Variants in SHISA9 observed in about 807,000 individuals in gnomAD.
The protein encoded by SHISA9 is shisa family member 9, also known as protein shisa-9.
In SHISA9, 13 loss-of-function variants were observed where a neutral mutation model predicts 38.0. That is an observed-to-expected ratio of 0.34 (90% CI 0.22 to 0.54). The LOEUF (loss-of-function observed/expected upper bound fraction) is 0.54. SHISA9 is among the 20% of genes least tolerant of loss of function. The pLI is 0.91. For missense variants in SHISA9, 538 were observed against 575.8 expected, an observed-to-expected ratio of 0.93 and a Z score of 0.67; for synonymous variants, 275 against 242.0, an observed-to-expected ratio of 1.14 and a Z score of -1.27.
At chr16:13,068,900 G>A (rs2073467940) in intron 2 of SHISA9, among the ~76,000 whole-genome samples, 1 of 152,080 alleles carries the variant, frequency 6.6e-6, no homozygotes, top group African/African-American at 2.4e-5. Context: ...TACATGGAAT[G>A]TGTATGTGTG....
chr16:13,483,176 G>C, the SHISA9 span, among the ~76,000 whole-genome samples: 1 of 152,132 alleles, frequency 6.6e-6, no homozygotes, highest in Non-Finnish European at 1.5e-5. Context: ...AGATGCGTGG[G>C]GGTGTGAACA....
intron 2 of SHISA9, among the ~76,000 whole-genome samples, chr16:13,018,981 A>C (rs1156496167): frequency 6.6e-6 from 1 of 152,172 alleles, no homozygotes; most frequent in Admixed American, 6.5e-5. Context: ...TGAGTGCCTT[A>C]AGTAACAGAA....
the SHISA9 span, among the ~76,000 whole-genome samples, chr16:13,476,333 C>G: frequency 6.6e-6 from 1 of 152,124 alleles, no homozygotes; most frequent in African/African-American, 2.4e-5. Context: ...CATTTCCTTC[C>G]TGCTATATAA....
chr16:13,384,375 T>C, the SHISA9 span, among the ~76,000 whole-genome samples: 13 of 152,336 alleles, frequency 8.5e-5, no homozygotes, highest in South Asian at 2.5e-3. Flanking sequence ...CTGTGGTAAC[T>C]CTTCTCTCTG....
At chr16:12,933,216 G>A (rs571039216) in intron 2 of SHISA9, among the ~76,000 whole-genome samples, 1 of 151,884 alleles carries the variant, frequency 6.6e-6, no homozygotes, top group Non-Finnish European at 1.5e-5. Context: ...TCCCTGCATC[G>A]AGTCAGACCA....
intron 2 of SHISA9, among the ~76,000 whole-genome samples, chr16:13,048,200 G>A (rs1027092422): frequency 6.6e-6 from 1 of 152,290 alleles, no homozygotes; most frequent in South Asian, 2.1e-4. Flanking sequence ...ATATACTCCT[G>A]TTTTGATAAA....
At chr16:12,929,650 G>GA (rs561509072) in intron 2 of SHISA9, among the ~76,000 whole-genome samples, 3 of 151,896 alleles carry the variant, frequency 2.0e-5, no homozygotes, top group Non-Finnish European at 2.9e-5. Context: ...GGGTTGGGAG[G>GA]AGGGAGAGCA....
chr16:13,137,603 A>G (rs779255363), intron 2 of SHISA9, among the ~76,000 whole-genome samples: 1 of 151,718 alleles, frequency 6.6e-6, no homozygotes, highest in Non-Finnish European at 1.5e-5. Flanking sequence ...CTACAGGTGC[A>G]TGCCACCACG....
At chr16:13,094,518 A>G (rs530852575) in intron 2 of SHISA9, among the ~76,000 whole-genome samples, 1 of 152,318 alleles carries the variant, frequency 6.6e-6, no homozygotes, top group East Asian at 1.9e-4. Context: ...AACTGTGCCT[A>G]AAATAGAAAA....
the SHISA9 span, among the ~76,000 whole-genome samples, chr16:13,247,040 TCA>T: frequency 6.6e-6 from 1 of 151,704 alleles, no homozygotes; most frequent in African/African-American, 2.4e-5. Flanking sequence ...ATTAAGTGAC[TCA>T]CAGTTCCACG....
the SHISA9 span, among the ~76,000 whole-genome samples, chr16:13,453,439 TGA>T: frequency 6.6e-6 from 1 of 152,208 alleles, no homozygotes; most frequent in African/African-American, 2.4e-5. Context: ...CAAACCTGTG[TGA>T]GTTTTTTCTT....
the SHISA9 span, among the ~76,000 whole-genome samples, chr16:13,507,816 A>G: frequency 1.3e-5 from 2 of 152,192 alleles, no homozygotes; most frequent in Admixed American, 1.3e-4. Flanking sequence ...GCTTGTTTGA[A>G]GGCTAGAAAT....
intron 4 of SHISA9, among the ~76,000 whole-genome samples, chr16:13,221,608 C>A (rs949637552): frequency 1.3e-5 from 2 of 152,036 alleles, no homozygotes; most frequent in Admixed American, 1.3e-4. Context: ...AGAAGTATTT[C>A]TTTTTTAAAC....
At chr16:13,233,882 G>A (rs1282076983) in intron 4 of SHISA9, among the ~76,000 whole-genome samples, 1 of 152,134 alleles carries the variant, frequency 6.6e-6, no homozygotes, top group Non-Finnish European at 1.5e-5. Flanking sequence ...CTAGTGTGGT[G>A]ATGCTTGCCT....
At chr16:13,186,288 CTTTTTTT>C (rs113608898) in intron 2 of SHISA9, among the ~76,000 whole-genome samples, 4 of 104,308 alleles carry the variant, frequency 3.8e-5, no homozygotes, top group Admixed American at 1.2e-4. Flanking sequence ...CCATCTTAAC[CTTTTTTT>C]TTTTTTTTTT....
intron 2 of SHISA9, among the ~76,000 whole-genome samples, chr16:13,147,588 G>A (rs1001826091): frequency 6.8e-6 from 1 of 147,804 alleles, no homozygotes; most frequent in Non-Finnish European, 1.5e-5. Context: ...TCAGCCTCCC[G>A]AGTAGCTGGG....
chr16:13,263,598 G>A, the SHISA9 span, among the ~76,000 whole-genome samples: 2 of 152,184 alleles, frequency 1.3e-5, no homozygotes, highest in Non-Finnish European at 2.9e-5. Flanking sequence ...TGTACAGCCT[G>A]CAGAATTGTG....
intron 2 of SHISA9, among the ~76,000 whole-genome samples, chr16:13,021,120 C>A (rs2072847766): frequency 6.6e-6 from 1 of 152,176 alleles, no homozygotes; most frequent in Non-Finnish European, 1.5e-5. Context: ...CTGCTGTCTC[C>A]TTGAGTGCTA....
the SHISA9 span, among the ~76,000 whole-genome samples, chr16:13,525,561 A>G: frequency 2.0e-5 from 3 of 152,096 alleles, no homozygotes; most frequent in African/African-American, 7.2e-5. Context: ...AACTTTGATC[A>G]CCCTCAAAAC....
Sources: allele counts gnomAD v4.1 joint callset (sites outside exome capture counted in the v4.1 genomes callset), GRCh38; gene constraint gnomAD v4.1.1; transcripts MANE v1.5; gene names NCBI Gene and HGNC (gene_info 2026-07-23, HGNC 2026-07-21).